USP37: variants seen among roughly 807,000 people sequenced by gnomAD.
USP37 encodes the protein ubiquitin carboxyl-terminal hydrolase 37.
USP37 carries 27 observed loss-of-function variants against 124.0 expected under a neutral mutation model. The ratio of observed to expected loss-of-function variants is 0.22; its 90% CI spans 0.16 to 0.30. The LOEUF is 0.30. USP37 is among the 10% of genes least tolerant of loss of function. The probability of loss-of-function intolerance (pLI) is 1.00; values close to 1 mark genes in which losing one functional copy is unlikely to be tolerated. For synonymous variants in USP37, 365 were observed against 388.0 expected, an observed-to-expected ratio of 0.94 and a Z score of 0.70; for missense variants, 889 against 1,140.4, an observed-to-expected ratio of 0.78 and a Z score of 3.17.
chr2:218,487,230 C>T (rs1691623524), intron 15 of USP37, among the ~76,000 whole-genome samples: 1 of 152,196 alleles, frequency 6.6e-6, no homozygotes, highest in Non-Finnish European at 1.5e-5. Context: ...TATGTATCTA[C>T]AGCTTTGGAT....
intron 14 of USP37, 107 bp downstream of exon 14, chr2:218,495,653 G>A (rs1288018240): frequency 1.4e-5 from 18 of 1,273,058 alleles, no homozygotes; most frequent in Non-Finnish European, 1.8e-5. Context: ...GTGAGACCCT[G>A]TCTTAAAAAC....
chr2:218,484,601 G>A (rs942077769), intron 16 of USP37, among the ~76,000 whole-genome samples: 14 of 151,302 alleles, frequency 9.3e-5, no homozygotes. Flanking sequence ...TAGCCTGGGG[G>A]ACAGAGCAAG....
At chr2:218,501,979 T>C (rs896601898) in intron 11 of USP37, among the ~76,000 whole-genome samples, 3 of 152,052 alleles carry the variant, frequency 2.0e-5, no homozygotes, top group African/African-American at 4.8e-5. Context: ...CCAGTCAGAG[T>C]AGAGAGACCT....
Position 218,463,346 on chromosome 2 carries a change from T to C in USP37, c.2487A>G (p.Glu829=). The change falls in exon 22 of 26, where the codon GAA becomes GAG. Residue 829 remains glutamate (E), a synonymous_variant. Transcript: ENST00000258399. The part of the protein sequence containing the change: ...LQEQEAWEQK[E]DDDLKRATEL... The stretch of plus-strand genomic sequence containing the variant: ...CGGTAGCTCTTTTGAGGTCATCATC[T>C]TCTTTCTGTTCCCAAGCCTCCTAAA... 1 of 1,614,072 alleles carries C rather than the reference T, an allele frequency of 6.2e-7. No individual in the cohort carries two copies. Among genetic ancestry groups the C allele is most frequent in the Non-Finnish European group, 8.5e-7 (1 of 1,180,008 alleles).
intron 6 of USP37, among the ~76,000 whole-genome samples, chr2:218,549,497 C>G (rs1400128255): frequency 7.3e-6 from 1 of 136,854 alleles, no homozygotes; most frequent in Non-Finnish European, 1.5e-5. Context: ...TGGAGTCTTG[C>G]TCTGTTGCCC....
At chr2:218,523,076 G>A (rs977214630) in intron 10 of USP37, among the ~76,000 whole-genome samples, 1 of 151,986 alleles carries the variant, frequency 6.6e-6, no homozygotes, top group African/African-American at 2.4e-5. Flanking sequence ...AGGAGTTCGA[G>A]ACCAGCATGG....
At chr2:218,543,953 T>C (rs555942622) in intron 8 of USP37, among the ~76,000 whole-genome samples, 1 of 152,320 alleles carries the variant, frequency 6.6e-6, no homozygotes, top group Admixed American at 6.5e-5. Flanking sequence ...TGGTAAGAGT[T>C]AACTAGAGAG....
At chr2:218,498,590 T>A (rs1245058058) in intron 11 of USP37, among the ~76,000 whole-genome samples, 1 of 152,090 alleles carries the variant, frequency 6.6e-6, no homozygotes, top group African/African-American at 2.4e-5. Flanking sequence ...TAGCCAGGCA[T>A]GGTGGTATGC....
intron 11 of USP37, among the ~76,000 whole-genome samples, chr2:218,503,883 G>C (rs868661314): frequency 2.6e-5 from 4 of 152,154 alleles, no homozygotes; most frequent in South Asian, 2.1e-4. Context: ...CAAGATGGTA[G>C]ACTTAAACTC....
intron 5 of USP37, among the ~76,000 whole-genome samples, chr2:218,552,514 A>T (rs1481951524): frequency 1.3e-5 from 2 of 152,196 alleles, no homozygotes; most frequent in South Asian, 4.2e-4. Flanking sequence ...CAGGAGTTCG[A>T]TAACAGCCTG....
intron 10 of USP37, among the ~76,000 whole-genome samples, chr2:218,520,457 C>T (rs553695810): frequency 6.6e-6 from 1 of 150,552 alleles, no homozygotes; most frequent in East Asian, 2.0e-4. Flanking sequence ...TCAAGCGATT[C>T]TCGTGTCTCA....
rs1391961898 is a variant in USP37, at chr2:218,560,903, T to C, written c.-88-20A>G. 4 of 152,200 alleles carry C rather than the reference T, an allele frequency of 2.6e-5. No individual in the cohort carries two copies. Among genetic ancestry groups the C allele is most frequent in the Admixed American group, 1.3e-4 (2 of 15,280 alleles). The allele number at this position is 152,200 out of a possible 1,614,324, so 9.4% of individuals were successfully genotyped here. ...AAATAACTGAAGATAAAAGAAGATA[T>C]ATGAAAACACTTTCGAGAGTTTAAA... On this transcript the variant is annotated intron_variant, in intron 2 of 25. Coordinates refer to ENST00000258399, the MANE Select transcript of USP37 (RefSeq NM_020935.3).
At chr2:218,551,908 T>C (rs1374567327) in intron 5 of USP37, among the ~76,000 whole-genome samples, 1 of 152,200 alleles carries the variant, frequency 6.6e-6, no homozygotes, top group East Asian at 1.9e-4. Flanking sequence ...TTCTTCTGCC[T>C]CAGCCTCCCA....
intron 8 of USP37, among the ~76,000 whole-genome samples, chr2:218,538,389 T>C (rs895417157): frequency 6.6e-6 from 1 of 152,134 alleles, no homozygotes; most frequent in Non-Finnish European, 1.5e-5. Flanking sequence ...AGAAATGATT[T>C]ATGGAAGAGG....
At chr2:218,534,047 C>A (rs771627301) in intron 9 of USP37, among the ~76,000 whole-genome samples, 2 of 152,204 alleles carry the variant, frequency 1.3e-5, no homozygotes, top group African/African-American at 2.4e-5. Context: ...GGTACTTTGA[C>A]AATGAAACAG....
intron 1 of USP37, among the ~76,000 whole-genome samples, chr2:218,565,708 T>C (rs932241833): frequency 6.6e-6 from 1 of 152,224 alleles, no homozygotes; most frequent in African/African-American, 2.4e-5. Flanking sequence ...CTAGCCTATA[T>C]TCTAATAGGA....
chr2:218,534,682 G>A lies in USP37; in HGVS notation c.705C>T (p.Pro235=), dbSNP rs1201084420. The A allele has an allele frequency of 6.2e-7, 1 of 1,608,700 alleles. No homozygotes were observed. Among genetic ancestry groups the A allele is most frequent in the Non-Finnish European group, 8.5e-7 (1 of 1,177,434 alleles). Residue 235 remains proline (P), a synonymous_variant, in exon 9 of 26, where the codon CCC becomes CCT. Transcript: ENST00000258399. ...TACTGCTGGTTAAATACTTTCTGGA[G>A]GGATCTGTCATGGCCTTGTTGTTCC... ...SSSNNKAMTD[P]SRKYLTSSRE...
intron 10 of USP37, among the ~76,000 whole-genome samples, chr2:218,525,770 T>C (rs187018686): frequency 6.6e-6 from 1 of 152,306 alleles, no homozygotes; most frequent in East Asian, 1.9e-4. Context: ...TGGGGGTTTG[T>C]TATACAGATT....
rs1336173141 is a variant in USP37 at position 218,453,008 on chromosome 2, C to T, written c.*1922G>A. 2.6e-5 allele frequency: 4 copies of T among 151,872 alleles called. No homozygotes were observed. Among genetic ancestry groups the T allele is most frequent in the Non-Finnish European group, 4.4e-5 (3 of 68,028 alleles). The allele number at this position is 151,872 out of a possible 1,614,324, so 9.4% of individuals were successfully genotyped here. A position where few individuals can be genotyped will look rare whatever the true frequency, so the allele number is the denominator to read the frequency against. ...TTTCCTCTGCTCTAAACTACTCTGG[C>T]GTTTTCTACCACTCTACCATTTTGG... On this transcript the variant is annotated 3_prime_UTR_variant, in exon 26 of 26. Transcript: ENST00000258399.
Sources: allele counts gnomAD v4.1 joint callset (sites outside exome capture counted in the v4.1 genomes callset), GRCh38; gene constraint gnomAD v4.1.1; transcripts MANE v1.5; gene names NCBI Gene and HGNC (gene_info 2026-07-23, HGNC 2026-07-21).